Variants in PLB1 observed in about 807,000 individuals in gnomAD.
The protein encoded by PLB1 is phospholipase B1, membrane-associated.
PLB1 carries 242 observed loss-of-function variants against 227.4 expected under a neutral mutation model. That is an observed-to-expected ratio of 1.06 (90% CI 0.96 to 1.18). The LOEUF is 1.18. Among genes scored for constraint, PLB1 ranks in the 50% most tolerant of loss-of-function variants. The pLI is 0.00. For missense variants in PLB1, 1,858 were observed against 1,816.3 expected (o/e 1.02, Z -0.42); for synonymous variants, 757 against 682.2 (o/e 1.11, Z -1.71).
intron 56 of PLB1, among the ~76,000 whole-genome samples, chr2:28,636,060 T>C (rs565935216): frequency 0.017 from 2,545 of 151,836 alleles, 73 homozygotes; most frequent in African/African-American, 0.058. Context: ...TGTATGTGTG[T>C]ATGTATGTAT....
Position 28,598,048 on chromosome 2 carries a change from A to AT in PLB1, c.2365_2365+1insT (p.Asn789IlefsTer7). ...CCTGGAGAATGTGACCACCTTACCT[A>AT]GTAAGTAACCATCAGGGGCTTGAAT... On this transcript the variant is annotated frameshift_variant and splice_region_variant. Transcript: ENST00000327757. LOFTEE classifies it high-confidence loss of function. The AT allele has an allele frequency of 1.2e-6, 2 of 1,611,954 alleles. No individual in the cohort carries two copies. Among genetic ancestry groups the AT allele is most frequent in the Non-Finnish European group, 1.7e-6 (2 of 1,178,562 alleles).
intron 22 of PLB1, 73 bp downstream of exon 22, chr2:28,578,231 T>C: frequency 6.7e-7 from 1 of 1,489,520 alleles, no homozygotes; most frequent in Non-Finnish European, 9.3e-7. Flanking sequence ...GATTGAGGGA[T>C]GGTTGGGAGC....
intron 26 of PLB1, 78 bp downstream of exon 26, chr2:28,585,920 C>A: frequency 1.5e-6 from 2 of 1,350,282 alleles, no homozygotes; most frequent in Non-Finnish European, 2.1e-6. Context: ...CAAGTCAGTG[C>A]TTAGGTAATT....
chr2:28,575,633 C>T (rs528078672), intron 21 of PLB1, among the ~76,000 whole-genome samples: 22 of 152,054 alleles, frequency 1.4e-4, no homozygotes, highest in Admixed American at 3.9e-4. Flanking sequence ...TGCAGTGGCG[C>T]GATCTCCACT....
intron 20 of PLB1, among the ~76,000 whole-genome samples, chr2:28,568,406 C>T (rs1677426283): frequency 6.6e-6 from 1 of 152,228 alleles, no homozygotes. Flanking sequence ...GATGACTCCC[C>T]TGACACACTT....
intron 14 of PLB1, among the ~76,000 whole-genome samples, chr2:28,544,949 C>T (rs1255975229): frequency 6.6e-6 from 1 of 152,080 alleles, no homozygotes. Context: ...GATTCCTATC[C>T]CTTTCTCCTT....
In PLB1 at chr2:28,584,299, G is replaced by A. The variant is rs576200629; in HGVS notation, c.1734-1462G>A. ...AGATCCATGCCATGCCTCACCTGGGGGACCCAAACCGCACAGGTCCCCTGG... is the reference window on the plus strand; with the variant it reads ...AGATCCATGCCATGCCTCACCTGGGAGACCCAAACCGCACAGGTCCCCTGG... On this transcript the variant is annotated intron_variant, in intron 25 of 57. Coordinates refer to ENST00000327757, the MANE Select transcript of PLB1 (RefSeq NM_153021.5). 5.9e-5 allele frequency among the ~76,000 whole-genome samples: 9 copies of A among 152,320 alleles called. No homozygotes were observed. The East Asian group carries it at 1.5e-3, about 26-fold the overall frequency.
At chr2:28,625,905 A>C (rs1288634142) in intron 50 of PLB1, among the ~76,000 whole-genome samples, 10 of 149,560 alleles carry the variant, frequency 6.7e-5, no homozygotes, top group Non-Finnish European at 1.5e-4. Context: ...GTCCCCCGCC[A>C]GCGCCCACCG....
intron 54 of PLB1, 58 bp from the exon 55 acceptor site, chr2:28,631,978 G>A (rs1688690294): frequency 2.1e-6 from 3 of 1,437,788 alleles, no homozygotes; most frequent in Admixed American, 1.7e-5. Context: ...CAGCAGGACT[G>A]GACCCTGTCT....
intron 14 of PLB1, 181 bp from the exon 15 acceptor site, chr2:28,548,679 C>G: frequency 1.5e-6 from 1 of 658,956 alleles, no homozygotes; most frequent in Non-Finnish European, 2.8e-6. Flanking sequence ...GCTTACAACA[C>G]AGACTGCTGC....
intron 1 of PLB1, among the ~76,000 whole-genome samples, chr2:28,513,422 C>T (rs752591993): frequency 1.3e-5 from 2 of 152,176 alleles, no homozygotes; most frequent in Non-Finnish European, 2.9e-5. Flanking sequence ...CATCAGGGTC[C>T]CCCCTCCTCA....
At chr2:28,519,138 C>A (rs1038961364) in intron 3 of PLB1, among the ~76,000 whole-genome samples, 1 of 152,164 alleles carries the variant, frequency 6.6e-6, no homozygotes, top group Non-Finnish European at 1.5e-5. Flanking sequence ...GGAGTATGAT[C>A]AGTGATTTCT....
intron 14 of PLB1, among the ~76,000 whole-genome samples, chr2:28,544,603 C>A (rs1672967403): frequency 6.6e-6 from 1 of 152,154 alleles, no homozygotes; most frequent in Non-Finnish European, 1.5e-5. Context: ...GCCAGACAGC[C>A]CAGAGGAACG....
chr2:28,544,803 C>T (rs112561050), intron 14 of PLB1, among the ~76,000 whole-genome samples: 2 of 152,106 alleles, frequency 1.3e-5, no homozygotes, highest in Admixed American at 6.5e-5. Flanking sequence ...GAGAAGAATG[C>T]GTCAGATGCA....
At chr2:28,539,417 T>C (rs1299265073) in intron 11 of PLB1, among the ~76,000 whole-genome samples, 1 of 152,214 alleles carries the variant, frequency 6.6e-6, no homozygotes, top group Non-Finnish European at 1.5e-5. Flanking sequence ...ATTCTTTTAT[T>C]CTGGTTGATG....
Position 28,591,872 on chromosome 2 carries a change from G to A in PLB1, c.2188+112G>A, listed in dbSNP as rs888451081. 1.9e-5 allele frequency: 21 copies of A among 1,094,484 alleles called. No individual in the cohort carries two copies. The African/African-American group carries it at 3.1e-4, about 16-fold the overall frequency. The allele number at this position is 1,094,484 out of a possible 1,614,324, so 67.8% of individuals were successfully genotyped here. On this transcript the variant is annotated intron_variant, in intron 31 of 57. Transcript: ENST00000327757. Reference sequence around the variant, plus strand: ...ACTAAATGGCACAGTGACGGCCAGTGCTTGCTGTCTGCCTGGGTGGTCACC... The same window carrying A: ...ACTAAATGGCACAGTGACGGCCAGTACTTGCTGTCTGCCTGGGTGGTCACC...
chr2:28,515,626 T>C (rs4233726), intron 1 of PLB1, among the ~76,000 whole-genome samples: 30,520 of 152,034 alleles, frequency 0.2, 3,435 homozygotes, highest in African/African-American at 0.29. Flanking sequence ...TCTAATAAAT[T>C]ATTTTCAGGG....
At chr2:28,587,607 C>CAA (rs139579194) in intron 26 of PLB1, among the ~76,000 whole-genome samples, 3 of 142,306 alleles carry the variant, frequency 2.1e-5, no homozygotes, top group South Asian at 4.4e-4. Context: ...GAGACTGTCT[C>CAA]AAAAAAAAAA....
intron 25 of PLB1, among the ~76,000 whole-genome samples, chr2:28,584,452 G>A (rs1290966919): frequency 1.3e-5 from 2 of 152,240 alleles, no homozygotes; most frequent in African/African-American, 4.8e-5. Context: ...ACTTTCTCCA[G>A]TCACTGGGCC....
Sources: gnomAD v4.1 joint callset for allele counts (sites outside exome capture counted in the v4.1 genomes callset) on GRCh38, gnomAD v4.1.1 for gene constraint, MANE v1.5 for transcripts, NCBI Gene and HGNC (gene_info 2026-07-23, HGNC 2026-07-21) for gene names.